TBC1D32: variants seen among roughly 807,000 people sequenced by gnomAD.
TBC1D32 encodes protein broad-minded.
A neutral mutation model predicts 170.3 loss-of-function variants in TBC1D32; 151 were observed. The ratio of observed to expected loss-of-function variants is 0.89; its 90% CI spans 0.78 to 1.01. The LOEUF (loss-of-function observed/expected upper bound fraction) is 1.01, where lower values mean the gene tolerates loss of function less well. TBC1D32 is among the 50% of genes least tolerant of loss of function. The pLI is 0.00. For synonymous variants in TBC1D32, 498 were observed against 488.0 expected (o/e 1.02, Z -0.27); for missense variants, 1,464 against 1,457.1 (o/e 1.00, Z -0.08).
chr6:121,138,774 A>C (rs548549908), intron 24 of TBC1D32, among the ~76,000 whole-genome samples: 3 of 152,308 alleles, frequency 2.0e-5, no homozygotes, highest in Non-Finnish European at 4.4e-5. Context: ...AGAATACAAA[A>C]GGCTTTTAAA....
intron 8 of TBC1D32, 83 bp downstream of exon 8, chr6:121,304,282 G>T: frequency 7.8e-7 from 1 of 1,289,002 alleles, no homozygotes. Context: ...CATTAAGACT[G>T]TCTTTACTCT....
chr6:121,175,346 C>T (rs1787623469), intron 22 of TBC1D32, among the ~76,000 whole-genome samples: 1 of 152,164 alleles, frequency 6.6e-6, no homozygotes, highest in African/African-American at 2.4e-5. Flanking sequence ...TGAGTAAATA[C>T]ATACCTGGAC....
At chr6:121,193,040 C>G (rs759069611) in intron 22 of TBC1D32, among the ~76,000 whole-genome samples, 2 of 152,112 alleles carry the variant, frequency 1.3e-5, no homozygotes, top group Non-Finnish European at 2.9e-5. Context: ...GTGCACTACA[C>G]TAGAAAAGAA....
intron 15 of TBC1D32, among the ~76,000 whole-genome samples, chr6:121,271,877 C>G (rs1428626644): frequency 6.6e-6 from 1 of 152,094 alleles, no homozygotes; most frequent in East Asian, 1.9e-4. Flanking sequence ...CTACAGTAAC[C>G]AAAACAGCAT....
At chr6:121,161,518 C>A (rs547931264) in intron 22 of TBC1D32, among the ~76,000 whole-genome samples, 159 of 152,302 alleles carry the variant, frequency 1.0e-3, no homozygotes, top group African/African-American at 3.8e-3. Context: ...CATGTCCCTG[C>A]AAAGGACATG....
rs74296971 is a variant in TBC1D32, at chr6:121,083,548, T to C, written c.3655-2658A>G. ...ATACGTAGTTTCCCTCTTTGCTTTG[T>C]GTACAGAAGTCCAGTTTCAAATTTC... is the stretch of plus-strand genomic sequence containing the variant. On this transcript the variant is annotated intron_variant, in intron 31 of 31. Transcript: ENST00000398212. 3.1e-3 allele frequency among the ~76,000 whole-genome samples: 469 copies of C among 152,172 alleles called. 11 individuals are homozygous for C. The East Asian group carries it at 0.052, about 17-fold the overall frequency.
At chr6:121,134,836 G>C (rs1308800988) in intron 24 of TBC1D32, among the ~76,000 whole-genome samples, 1 of 152,110 alleles carries the variant, frequency 6.6e-6, no homozygotes, top group Non-Finnish European at 1.5e-5. Flanking sequence ...AAAGTTATCA[G>C]TGTTAGTATA....
At chr6:121,331,272 G>T (rs1199168018) in intron 1 of TBC1D32, among the ~76,000 whole-genome samples, 3 of 151,994 alleles carry the variant, frequency 2.0e-5, no homozygotes, top group Non-Finnish European at 4.4e-5. Flanking sequence ...GCAGTGGCAC[G>T]ATCTCGGCTC....
intron 13 of TBC1D32, 41 bp downstream of exon 13, chr6:121,283,777 G>C: frequency 7.1e-7 from 1 of 1,413,330 alleles, no homozygotes; most frequent in Middle Eastern, 2.2e-4. Flanking sequence ...AATATTTTTA[G>C]ATGTTTTATA....
At chr6:121,171,843 G>C (rs1787055226) in intron 22 of TBC1D32, among the ~76,000 whole-genome samples, 1 of 151,986 alleles carries the variant, frequency 6.6e-6, no homozygotes, top group South Asian at 2.1e-4. Flanking sequence ...TGGTAGAGTG[G>C]GTGGTTAGGT....
chr6:121,141,997 A>G (rs1055162227), intron 24 of TBC1D32, among the ~76,000 whole-genome samples: 1 of 152,232 alleles, frequency 6.6e-6, no homozygotes, highest in Non-Finnish European at 1.5e-5. Flanking sequence ...CCGACTTTTG[A>G]TCATTCATGT....
chr6:121,132,705 G>A (rs1781574375), intron 24 of TBC1D32, among the ~76,000 whole-genome samples: 1 of 151,836 alleles, frequency 6.6e-6, no homozygotes, highest in Non-Finnish European at 1.5e-5. Flanking sequence ...TAGAGCTAAA[G>A]AAAGTATTTA....
intron 22 of TBC1D32, among the ~76,000 whole-genome samples, chr6:121,176,905 G>A (rs539872431): frequency 6.6e-6 from 1 of 152,022 alleles, no homozygotes; most frequent in Non-Finnish European, 1.5e-5. Context: ...CCAGCCCAAG[G>A]TATAGTAACC....
At chr6:121,308,218 A>G (rs572659868) in intron 4 of TBC1D32, 117 bp from the exon 5 acceptor site, 1 of 959,214 alleles carries the variant, frequency 1.0e-6, no homozygotes, top group Non-Finnish European at 1.6e-6. Context: ...ATAAAGAATG[A>G]TTTATCAGAT....
chr6:121,138,778 T>G (rs1782427487), intron 24 of TBC1D32, among the ~76,000 whole-genome samples: 1 of 152,186 alleles, frequency 6.6e-6, no homozygotes, highest in Non-Finnish European at 1.5e-5. Flanking sequence ...TACAAAAGGC[T>G]TTTAAAATAA....
At chr6:121,214,961 G>A (rs1336620887) in intron 21 of TBC1D32, among the ~76,000 whole-genome samples, 1 of 152,162 alleles carries the variant, frequency 6.6e-6, no homozygotes, top group African/African-American at 2.4e-5. Flanking sequence ...GCACCAGCCT[G>A]CATGTCTGCT....
intron 4 of TBC1D32, 34 bp from the exon 5 acceptor site, chr6:121,308,135 C>G (rs1223638135): frequency 6.3e-7 from 1 of 1,598,268 alleles, no homozygotes; most frequent in East Asian, 2.2e-5. Context: ...TATTAACACT[C>G]AGTCACTAAA....
intron 17 of TBC1D32, among the ~76,000 whole-genome samples, chr6:121,250,956 T>C (rs1798208912): frequency 6.6e-6 from 1 of 151,982 alleles, no homozygotes; most frequent in South Asian, 2.1e-4. Flanking sequence ...GAGAGTCAAA[T>C]CATGAGTGAA....
chr6:121,304,742 T>C lies in TBC1D32; in HGVS notation c.769+13A>G, dbSNP rs774854916. 3.8e-6 allele frequency: 6 copies of C among 1,584,318 alleles called. No individual in the cohort carries two copies. The highest frequency in any genetic ancestry group is 5.2e-6 in the Non-Finnish European group (6 of 1,163,454). On this transcript the variant is annotated intron_variant, in intron 6 of 31. Coordinates refer to ENST00000398212, the MANE Select transcript of TBC1D32 (RefSeq NM_152730.6). ...ATGACAAAAAACATTTTTAAATGTT[T>C]TCACAAACATACCTAAGCTTGTATA...
Sources: gnomAD v4.1 joint callset for allele counts (sites outside exome capture counted in the v4.1 genomes callset) on GRCh38, gnomAD v4.1.1 for gene constraint, MANE v1.5 for transcripts, NCBI Gene and HGNC (gene_info 2026-07-23, HGNC 2026-07-21) for gene names.